The following MMP12 variants were observed in gnomAD, a reference collection of about 807,000 sequenced individuals.
The protein encoded by MMP12 is matrix metallopeptidase 12.
MMP12 carries 51 observed loss-of-function variants against 45.2 expected under a neutral mutation model. The ratio of observed to expected loss-of-function variants is 1.13; its 90% CI spans 0.90 to 1.42. MMP12 has a LOEUF of 1.42. Among genes scored for constraint, MMP12 ranks in the 40% most tolerant of loss-of-function variants. The probability of loss-of-function intolerance (pLI) is 0.00; values close to 1 mark genes in which losing one functional copy is unlikely to be tolerated. For missense variants in MMP12, 530 were observed against 570.8 expected (o/e 0.93, Z 0.73); for synonymous variants, 210 against 193.3 (o/e 1.09, Z -0.72).
In MMP12 at chr11:102,874,939, G is replaced by A. The variant is rs782449157; in HGVS notation, c.-2C>T. 1.3e-6 allele frequency: 2 copies of A among 1,571,984 alleles called. No homozygotes were observed. Among genetic ancestry groups the A allele is most frequent in the Non-Finnish European group, 1.7e-6 (2 of 1,153,040 alleles). ...GAGCAGTATTAGAAGAAACTTCATT[G>A]TAAACTTCTAAACGGATCAATTCAG... is the stretch of plus-strand genomic sequence containing the variant. On this transcript the variant is annotated 5_prime_UTR_variant, in exon 1 of 10. Transcript: ENST00000571244.
chr11:102,874,523 T>G (rs1470408031), intron 1 of MMP12, among the ~76,000 whole-genome samples: 5 of 152,246 alleles, frequency 3.3e-5, no homozygotes, highest in African/African-American at 1.2e-4. Context: ...TGGCATTTAA[T>G]GATTAGTGTA....
At position 102,868,072 on chromosome 11, in the gene MMP12, A is replaced by C. The variant is rs782098881; in HGVS notation, c.626-3T>G. 1 of 1,589,864 alleles carries C rather than the reference A, an allele frequency of 6.3e-7. No individual in the cohort carries two copies. Among genetic ancestry groups the C allele is most frequent in the Non-Finnish European group, 8.6e-7 (1 of 1,167,386 alleles). On this transcript the variant is annotated splice_polypyrimidine_tract_variant and splice_region_variant and intron_variant, in intron 4 of 9. Transcript: ENST00000571244. ...AGCAGTGAGGAACAAGTTTGTGCCT[A>C]AGAAGAAACCAACCAAAAGACAGCT...
Position 102,863,042 on chromosome 11 carries a change from T to G in MMP12, c.*58A>C. The G allele has an allele frequency of 9.0e-7, 1 of 1,105,268 alleles. No individual in the cohort carries two copies. Among genetic ancestry groups the G allele is most frequent in the African/African-American group, 1.6e-5 (1 of 63,758 alleles). 68.5% of individuals were successfully genotyped at this position (1,105,268 alleles called of 1,614,324 possible). A position where few individuals can be genotyped will look rare whatever the true frequency, so the allele number is the denominator to read the frequency against. ...TGGTACACTGAGGACATAGCAAATA[T>G]GCAATAAATACTTATTAAGCTGAAG... On this transcript the variant is annotated 3_prime_UTR_variant, in exon 10 of 10. Transcript: ENST00000571244.
chr11:102,872,245 C>T (rs182557055), intron 2 of MMP12, among the ~76,000 whole-genome samples: 8 of 152,276 alleles, frequency 5.3e-5, no homozygotes, highest in Non-Finnish European at 1.2e-4. Context: ...CTGCATTTAT[C>T]CATCTTGACT....
At chr11:102,869,769 C>T (rs1859459580) in intron 4 of MMP12, among the ~76,000 whole-genome samples, 1 of 151,214 alleles carries the variant, frequency 6.6e-6, no homozygotes, top group South Asian at 2.1e-4. Context: ...AAAAAATTAG[C>T]AGGGCGTGGT....
rs782434645 is a variant in MMP12 at position 102,866,368 on chromosome 11, C to G, written c.992G>C (p.Gly331Ala). The change falls in exon 7 of 10, where the codon GGC (glycine) becomes GCC (alanine). Residue 331 changes from glycine to alanine, a missense_variant. Gly to Ala is a moderately conservative substitution (Grantham distance 60, BLOSUM62 0). Coordinates refer to ENST00000571244, the MANE Select transcript of MMP12 (RefSeq NM_002426.6). ...ISSLWPTLPS[G>A]IEAAYEIEAR... ...TTCAATTTCATAAGCAGCTTCAATGCCAGATGGCAAGGTTGGCCATAAGGA... is the reference window on the plus strand; with the variant it reads ...TTCAATTTCATAAGCAGCTTCAATGGCAGATGGCAAGGTTGGCCATAAGGA... 1.9e-6 allele frequency: 3 copies of G among 1,602,964 alleles called. No homozygotes were observed. The African/African-American group carries it at 4.0e-5, about 21-fold the overall frequency.
chr11:102,873,606 A>G (rs1555009734), intron 1 of MMP12, among the ~76,000 whole-genome samples: 1 of 152,208 alleles, frequency 6.6e-6, no homozygotes, highest in East Asian at 1.9e-4. Context: ...TCTCAAAAAA[A>G]AGAAAAACAA....
rs782260566 is a variant in MMP12 at position 102,868,041 on chromosome 11, G to A, written c.654C>T (p.His218=). 5 of 1,599,384 alleles carry A rather than the reference G, an allele frequency of 3.1e-6. No individual in the cohort carries two copies. Among genetic ancestry groups the A allele is most frequent in the East Asian group, 2.3e-5 (1 of 44,420 alleles). Residue 218 remains histidine, a synonymous_variant, in exon 5 of 10, where the codon CAC becomes CAT. Coordinates refer to ENST00000571244, the MANE Select transcript of MMP12 (RefSeq NM_002426.6). ...CAAGACCTAAGGAATGGCCAATCTC[G>A]TGAACAGCAGTGAGGAACAAGTTTG... The part of the protein sequence containing the change: ...GGTNLFLTAV[H]EIGHSLGLGH...
At chr11:102,866,546 T>C (rs1416476307) in intron 6 of MMP12, 98 bp from the exon 7 acceptor site, 4 of 1,005,260 alleles carry the variant, frequency 4.0e-6, no homozygotes, top group African/African-American at 1.6e-5. Flanking sequence ...CCAATATTTC[T>C]TTCCATTGTC....
intron 5 of MMP12, among the ~76,000 whole-genome samples, 158 bp from the exon 6 acceptor site, chr11:102,867,551 T>G (rs1473429842): frequency 6.6e-6 from 1 of 152,228 alleles, no homozygotes; most frequent in Non-Finnish European, 1.5e-5. Context: ...AGTAAGGTTT[T>G]TTTTCCACAT....
At position 102,865,670 on chromosome 11, in the gene MMP12, G is replaced by A. The variant is rs1184484201; in HGVS notation, c.1205+106C>T. On this transcript the variant is annotated intron_variant, in intron 8 of 9. Transcript: ENST00000571244. This position sits in a 1 kb window ranked among gnomAD's most constrained non-coding sequence, Gnocchi z 4.1. The stretch of plus-strand genomic sequence containing the variant: ...TTCTCTTAATCTCTCTCCCTGGAAG[G>A]TCAAGGAGCTTTGGGAATTTGCGCA... The A allele has an allele frequency of 1.2e-6, 1 of 849,172 alleles. No homozygotes were observed. The highest frequency in any genetic ancestry group is 1.7e-5 in the African/African-American group (1 of 58,372). The allele number at this position is 849,172 out of a possible 1,614,324, so 52.6% of individuals were successfully genotyped here.
rs28381669 is a variant in MMP12 at position 102,871,216 on chromosome 11, C to T, written c.625+378G>A. On this transcript the variant is annotated intron_variant, in intron 4 of 9. Coordinates refer to ENST00000571244, the MANE Select transcript of MMP12 (RefSeq NM_002426.6). ...CGTGATGCCAGCCTAAGTGACAGAG[C>T]AAGACCTTGTCTCAAAAAAAAAAAC... is the stretch of plus-strand genomic sequence containing the variant. 8.1e-4 allele frequency among the ~76,000 whole-genome samples: 123 copies of T among 151,758 alleles called. 1 individual carries two copies. The highest frequency in any genetic ancestry group is 9.1e-4 in the Non-Finnish European group (62 of 67,950).
At position 102,867,942 on chromosome 11, in the gene MMP12, A is replaced by G; in HGVS notation, c.753T>C (p.Ser251=). ...ACTGAATGCCACGTATGTCATCAGC[A>G]GAGAGGCGAAATGTGTTGATGTCAA... ...KYVDINTFRL[S]ADDIRGIQSL... Residue 251 remains serine, a synonymous_variant, in exon 5 of 10, where the codon TCT becomes TCC. Coordinates refer to ENST00000571244, the MANE Select transcript of MMP12 (RefSeq NM_002426.6). 1 of 1,610,540 alleles carries G rather than the reference A, an allele frequency of 6.2e-7. No individual in the cohort carries two copies.
intron 3 of MMP12, 27 bp from the exon 4 acceptor site, chr11:102,871,746 CCTT>C (rs1859500667): frequency 1.2e-6 from 2 of 1,613,224 alleles, no homozygotes; most frequent in South Asian, 2.2e-5. Flanking sequence ...GAAAATTAGT[CCTT>C]CTATACATCC....
At chr11:102,868,470 T>C (rs1346932048) in intron 4 of MMP12, among the ~76,000 whole-genome samples, 1 of 152,312 alleles carries the variant, frequency 6.6e-6, no homozygotes, top group African/African-American at 2.4e-5. Context: ...ACAGTTTTCA[T>C]TGCTTCTAAA....
chr11:102,864,922 G>T (rs1344380179), intron 8 of MMP12, among the ~76,000 whole-genome samples: 1 of 152,184 alleles, frequency 6.6e-6, no homozygotes, highest in African/African-American at 2.4e-5. Context: ...GGCCAAGTAG[G>T]AGTGGAAAAC....
At chr11:102,872,001 T>A in intron 2 of MMP12, 49 bp from the exon 3 acceptor site, 1 of 1,542,666 alleles carries the variant, frequency 6.5e-7, no homozygotes, top group Non-Finnish European at 8.8e-7. Context: ...CAGTGTTATT[T>A]TGTCTTACCA....
chr11:102,869,131 T>C (rs1555009046), intron 4 of MMP12, among the ~76,000 whole-genome samples: 1 of 152,228 alleles, frequency 6.6e-6, no homozygotes, highest in East Asian at 1.9e-4. Context: ...CTAACATTCT[T>C]GTCCCCTAGT....
rs925722915 is a variant in MMP12 at position 102,865,189 on chromosome 11, G to A, written c.1205+587C>T. 6.6e-6 allele frequency among the ~76,000 whole-genome samples: 1 copy of A among 152,194 alleles called. No homozygotes were observed. The highest frequency in any genetic ancestry group is 6.5e-5 in the Admixed American group (1 of 15,276). On this transcript the variant is annotated intron_variant, in intron 8 of 9. Coordinates refer to ENST00000571244, the MANE Select transcript of MMP12 (RefSeq NM_002426.6). The surrounding 1 kb of genome is among the most constrained non-coding windows in gnomAD (Gnocchi z 4.1). The stretch of plus-strand genomic sequence containing the variant: ...GCTTAACATATATGTTATGTCTCAT[G>A]TCAACCAGGCAAGCAATCTAGGAAA...
Sources: allele counts gnomAD v4.1 joint callset (sites outside exome capture counted in the v4.1 genomes callset), GRCh38; gene constraint gnomAD v4.1.1; non-coding constraint Gnocchi (gnomAD v3.1); transcripts MANE v1.5; gene names NCBI Gene and HGNC (gene_info 2026-07-23, HGNC 2026-07-21).